The following SEMA3A variants were observed in gnomAD, a reference collection of about 807,000 sequenced individuals.
SEMA3A encodes semaphorin 3A.
SEMA3A carries 29 observed loss-of-function variants against 97.9 expected under a neutral mutation model. The ratio of observed to expected loss-of-function variants is 0.30; its 90% CI spans 0.22 to 0.40. SEMA3A has a LOEUF of 0.40. SEMA3A is among the 10% of genes least tolerant of loss of function. SEMA3A has a pLI of 1.00. For synonymous variants in SEMA3A, 321 were observed against 323.7 expected (o/e 0.99, Z 0.09); for missense variants, 763 against 951.3 (o/e 0.80, Z 2.60).
intron 1 of SEMA3A, among the ~76,000 whole-genome samples, chr7:84,488,133 A>G (rs6974510): frequency 1.2e-3 from 187 of 152,242 alleles, no homozygotes; most frequent in African/African-American, 4.1e-3. Context: ...AATAAAAGAT[A>G]TAAGTTTTTT....
chr7:84,434,490 G>T (rs1315392548), intron 1 of SEMA3A, among the ~76,000 whole-genome samples: 1 of 152,028 alleles, frequency 6.6e-6, no homozygotes, highest in Non-Finnish European at 1.5e-5. Context: ...GAGAAGGAGG[G>T]ACTCCTCCCT....
At chr7:84,098,571 G>C (rs1468282669) in intron 4 of SEMA3A, among the ~76,000 whole-genome samples, 1 of 151,980 alleles carries the variant, frequency 6.6e-6, no homozygotes, top group Non-Finnish European at 1.5e-5. Context: ...AGGACTCTGT[G>C]AGTTTGCCAC....
At chr7:84,444,567 T>C (rs1460959094) in intron 1 of SEMA3A, among the ~76,000 whole-genome samples, 1 of 149,410 alleles carries the variant, frequency 6.7e-6, no homozygotes, top group Non-Finnish European at 1.5e-5. Context: ...TTTTTTTCTT[T>C]TTTTTTTTTT....
chr7:84,318,268 AC>A (rs1481331323), intron 2 of SEMA3A, among the ~76,000 whole-genome samples: 2 of 151,462 alleles, frequency 1.3e-5, no homozygotes, highest in Non-Finnish European at 2.9e-5. Flanking sequence ...AAATAAGGAA[AC>A]CATTAAACGT....
rs369391572 is a variant in SEMA3A at position 84,211,369 on chromosome 7, G to C, written c.-82-16701C>G. On this transcript the variant is annotated intron_variant, in intron 3 of 3. Coordinates refer to the SEMA3A transcript ENST00000424555. ...CTTACACCTGTAATCCCAGCACTTT[G>C]GGAGGCCAAGGCGGGTGGATCATCT... Among the ~76,000 whole-genome samples, 9 of 152,204 alleles carry C rather than the reference G, an allele frequency of 5.9e-5. 1 individual carries two copies. Among genetic ancestry groups the C allele is most frequent in the Admixed American group, 1.3e-4 (2 of 15,296 alleles).
intron 1 of SEMA3A, among the ~76,000 whole-genome samples, chr7:84,462,808 TAGATAGATAGACAGAC>T (rs1424848584): frequency 6.6e-6 from 1 of 151,920 alleles, no homozygotes; most frequent in Non-Finnish European, 1.5e-5. Flanking sequence ...GCTATAGCTA[TAGATAGATAGACAGAC>T]AGATAGATAG....
At chr7:84,288,142 T>C (rs1208039795) in intron 3 of SEMA3A, among the ~76,000 whole-genome samples, 1 of 152,052 alleles carries the variant, frequency 6.6e-6, no homozygotes, top group Non-Finnish European at 1.5e-5. Context: ...TTTAAGGCAG[T>C]GTCTCATTAT....
At chr7:84,193,170 C>T (rs1228959560) in intron 1 of SEMA3A, among the ~76,000 whole-genome samples, 1 of 151,896 alleles carries the variant, frequency 6.6e-6, no homozygotes, top group Non-Finnish European at 1.5e-5. Context: ...TATTCTAATT[C>T]AATGCATTTC....
At chr7:84,190,778 T>A (rs1464660907) in intron 1 of SEMA3A, among the ~76,000 whole-genome samples, 4 of 149,448 alleles carry the variant, frequency 2.7e-5, no homozygotes, top group Admixed American at 1.3e-4. Flanking sequence ...AATGTCATTT[T>A]AAACCAACAA....
In SEMA3A at chr7:84,060,448, G is replaced by C. The variant is rs1057153596; in HGVS notation, c.547+17C>G. 1.3e-6 allele frequency: 2 copies of C among 1,488,674 alleles called. No homozygotes were observed. Among genetic ancestry groups the C allele is most frequent in the Non-Finnish European group, 1.8e-6 (2 of 1,098,368 alleles). 92.2% of individuals were successfully genotyped at this position (1,488,674 alleles called of 1,614,324 possible). On this transcript the variant is annotated intron_variant, in intron 5 of 16. Transcript: ENST00000265362. The stretch of plus-strand genomic sequence containing the variant: ...TTTATAGAAAACTCACTATTTAATT[G>C]ATTGTTGACTACGCACCTATTAAAA...
intron 2 of SEMA3A, among the ~76,000 whole-genome samples, chr7:84,322,665 A>T (rs547250083): frequency 2.0e-5 from 3 of 152,174 alleles, no homozygotes; most frequent in African/African-American, 7.2e-5. Context: ...GTGGAACTGC[A>T]AGTCATTTAA....
intron 2 of SEMA3A, among the ~76,000 whole-genome samples, chr7:84,310,369 TG>T (rs1347146909): frequency 7.2e-5 from 11 of 151,996 alleles, no homozygotes; most frequent in African/African-American, 2.4e-4. Context: ...ACCTGACAGT[TG>T]TTTTTTTTTT....
At chr7:84,489,771 G>A (rs1806671636) in intron 1 of SEMA3A, among the ~76,000 whole-genome samples, 1 of 152,012 alleles carries the variant, frequency 6.6e-6, no homozygotes, top group African/African-American at 2.4e-5. Flanking sequence ...TTTCTATCTT[G>A]ATGTCTAATA....
chr7:84,038,690 A>C (rs895595312), intron 6 of SEMA3A, among the ~76,000 whole-genome samples: 1 of 152,126 alleles, frequency 6.6e-6, no homozygotes, highest in Non-Finnish European at 1.5e-5. Flanking sequence ...CAGGAGAGTC[A>C]TAAGTGCAGT....
At chr7:84,462,577 T>G (rs192308888) in intron 1 of SEMA3A, among the ~76,000 whole-genome samples, 1 of 152,306 alleles carries the variant, frequency 6.6e-6, no homozygotes, top group Non-Finnish European at 1.5e-5. Context: ...CATTTATTCT[T>G]CCTCACAGTC....
chr7:84,422,314 T>C (rs992687693), intron 1 of SEMA3A, among the ~76,000 whole-genome samples: 7 of 152,142 alleles, frequency 4.6e-5, no homozygotes, highest in Non-Finnish European at 8.8e-5. Context: ...TAGAGGTGTT[T>C]ATAGTATTCT....
At chr7:84,300,355 T>C (rs1562892602) in intron 3 of SEMA3A, among the ~76,000 whole-genome samples, 1 of 152,072 alleles carries the variant, frequency 6.6e-6, no homozygotes, top group African/African-American at 2.4e-5. Context: ...GGAAAGCATG[T>C]ACTTAATCTG....
chr7:84,397,886 A>G lies in SEMA3A; in HGVS notation c.-245-25986T>C, dbSNP rs566476715. Among the ~76,000 whole-genome samples, 6 of 152,222 alleles carry G rather than the reference A, an allele frequency of 3.9e-5. No individual in the cohort carries two copies. The East Asian group carries it at 1.2e-3, about 29-fold the overall frequency. On this transcript the variant is annotated intron_variant, in intron 1 of 3. Coordinates refer to the SEMA3A transcript ENST00000424555. ...TTTCTGGGAGAGTGACAAATAGGCC[A>G]TGGGGTTTTATGATAATTAAATAAG...
chr7:84,433,583 G>A (rs975711767), intron 1 of SEMA3A, among the ~76,000 whole-genome samples: 11 of 152,052 alleles, frequency 7.2e-5, no homozygotes, highest in Admixed American at 7.2e-4. Flanking sequence ...ATGCTTTTGG[G>A]TATATACCCA....
Sources: gnomAD v4.1 joint callset for allele counts (sites outside exome capture counted in the v4.1 genomes callset) on GRCh38, gnomAD v4.1.1 for gene constraint, MANE v1.5 for transcripts, NCBI Gene and HGNC (gene_info 2026-07-23, HGNC 2026-07-21) for gene names.